SLC7A10: variants seen among roughly 807,000 people sequenced by gnomAD.
SLC7A10 encodes solute carrier family 7 member 10.
Under a neutral mutation model 52.7 loss-of-function variants are expected in SLC7A10, and 30 were observed. That is an observed-to-expected ratio of 0.57 (90% CI 0.43 to 0.77). The LOEUF is 0.77. SLC7A10 is among the 30% of genes least tolerant of loss of function. The probability of loss-of-function intolerance (pLI) is 0.00; values close to 1 mark genes in which losing one functional copy is unlikely to be tolerated. For synonymous variants in SLC7A10, 318 were observed against 314.9 expected, an observed-to-expected ratio of 1.01 and a Z score of -0.10; for missense variants, 581 against 698.5, an observed-to-expected ratio of 0.83 and a Z score of 1.90.
At chr19:33,216,081 C>T in intron 1 of SLC7A10, 108 bp from the exon 2 acceptor site, 1 of 1,042,754 alleles carries the variant, frequency 9.6e-7, no homozygotes, top group Non-Finnish European at 1.4e-6. Flanking sequence ...CGGGGTGCTT[C>T]CCGGAGGAGG....
At chr19:33,219,221 A>G (rs868479853) in intron 1 of SLC7A10, among the ~76,000 whole-genome samples, 4 of 151,940 alleles carry the variant, frequency 2.6e-5, no homozygotes, top group Admixed American at 1.3e-4. Flanking sequence ...CAGAGTCTCC[A>G]CCACCCGCCC....
At chr19:33,218,558 CG>C (rs923651463) in intron 1 of SLC7A10, among the ~76,000 whole-genome samples, 1 of 151,132 alleles carries the variant, frequency 6.6e-6, no homozygotes, top group African/African-American at 2.4e-5. Context: ...ATGGAGCAGC[CG>C]GGGCTGCGGG....
intron 2 of SLC7A10, among the ~76,000 whole-genome samples, chr19:33,213,803 A>G (rs1974611485): frequency 6.6e-6 from 1 of 152,160 alleles, no homozygotes; most frequent in Non-Finnish European, 1.5e-5. Context: ...GTGGAGAGTG[A>G]TGGATGCCCC....
intron 5 of SLC7A10, 141 bp downstream of exon 5, chr19:33,212,151 G>T: frequency 8.0e-7 from 1 of 1,247,736 alleles, no homozygotes; most frequent in Non-Finnish European, 1.1e-6. Flanking sequence ...TTTCTTCCCA[G>T]GGCCATTTTT....
chr19:33,211,685 C>T (rs1039872652), intron 5 of SLC7A10, 148 bp from the exon 6 acceptor site: 127 of 1,462,070 alleles, frequency 8.7e-5, no homozygotes, highest in Non-Finnish European at 1.1e-4. Flanking sequence ...CTGCCCGAGA[C>T]ACAGGGACCC....
intron 1 of SLC7A10, 150 bp downstream of exon 1, chr19:33,225,403 T>TC: frequency 5.1e-6 from 5 of 975,714 alleles, no homozygotes; most frequent in Non-Finnish European, 7.7e-6. Context: ...GCCCCTGACC[T>TC]CCCCGCGGTC....
intron 9 of SLC7A10, 128 bp from the exon 10 acceptor site, chr19:33,209,613 C>T (rs1366871276): frequency 2.1e-6 from 2 of 939,822 alleles, no homozygotes; most frequent in Non-Finnish European, 3.1e-6. Flanking sequence ...ATTGCACCCA[C>T]TACACCCCCT....
At position 33,211,021 on chromosome 19, in the gene SLC7A10, C is replaced by A. The variant is rs1440407804; in HGVS notation, c.1017-123G>T. 5 of 1,037,554 alleles carry A rather than the reference C, an allele frequency of 4.8e-6. No homozygotes were observed. In the East Asian group the frequency reaches 1.3e-4, roughly 27 times the overall value. 64.3% of individuals were successfully genotyped at this position (1,037,554 alleles called of 1,614,324 possible). The stretch of plus-strand genomic sequence containing the variant: ...GGCCCAGCAGCCCCACTGGACAGTT[C>A]TCCCCCTCATCCAGCCTGCCTGCCT... On this transcript the variant is annotated intron_variant, in intron 7 of 10. Coordinates refer to ENST00000253188, the MANE Select transcript of SLC7A10 (RefSeq NM_019849.3).
At chr19:33,209,573 C>T (rs1294280185) in intron 9 of SLC7A10, 88 bp from the exon 10 acceptor site, 8 of 1,434,936 alleles carry the variant, frequency 5.6e-6, no homozygotes, top group South Asian at 1.3e-5. Context: ...AATTTTCCTC[C>T]CTTCCCTGGG....
intron 9 of SLC7A10, 79 bp from the exon 10 acceptor site, chr19:33,209,564 A>G: frequency 5.4e-6 from 8 of 1,485,062 alleles, no homozygotes; most frequent in Non-Finnish European, 7.3e-6. Context: ...GGTCTGGGGA[A>G]TTTTCCTCCC....
At chr19:33,220,252 G>C (rs1017330553) in intron 1 of SLC7A10, 1 of 152,246 alleles carries the variant, frequency 6.6e-6, no homozygotes, top group Admixed American at 6.5e-5. Flanking sequence ...TTTGGAGACA[G>C]GAGATGAGCG....
At position 33,212,370 on chromosome 19, in the gene SLC7A10, G is replaced by T; in HGVS notation, c.710C>A (p.Ala237Asp). The change falls in exon 5 of 11, where the codon GCC (alanine) becomes GAC (aspartate). Residue 237 changes from alanine to aspartate, a missense_variant. Coordinates refer to ENST00000253188, the MANE Select transcript of SLC7A10 (RefSeq NM_019849.3). The part of the protein sequence containing the change: ...MTPSVGHLAL[A>D]FLQGSFAFSG... ...GAAGGCGAAGGAGCCCTGGAGGAAG[G>T]CCAGGGCCAGGTGTCCCACGGAGGG... 6.2e-7 allele frequency: 1 copy of T among 1,613,844 alleles called. No individual in the cohort carries two copies. Among genetic ancestry groups the T allele is most frequent in the Non-Finnish European group, 8.5e-7 (1 of 1,180,044 alleles).
At chr19:33,213,692 C>A (rs548896231) in intron 2 of SLC7A10, among the ~76,000 whole-genome samples, 1 of 152,222 alleles carries the variant, frequency 6.6e-6, no homozygotes, top group Admixed American at 6.5e-5. Context: ...CTGGCTCTCG[C>A]AGAGTACTGT....
At chr19:33,215,724 A>G in intron 2 of SLC7A10, 45 bp downstream of exon 2, 1 of 1,529,346 alleles carries the variant, frequency 6.5e-7, no homozygotes, top group African/African-American at 1.4e-5. Flanking sequence ...TGGCCATCCC[A>G]TTCCCAAGAG....
intron 1 of SLC7A10, among the ~76,000 whole-genome samples, chr19:33,218,149 AG>A (rs763932696): frequency 6.6e-6 from 1 of 152,080 alleles, no homozygotes; most frequent in Non-Finnish European, 1.5e-5. Context: ...CCAGGCCCTG[AG>A]CCACCCACCC....
intron 7 of SLC7A10, 26 bp downstream of exon 7, chr19:33,211,199 T>G: frequency 1.2e-6 from 2 of 1,606,518 alleles, no homozygotes; most frequent in Non-Finnish European, 1.7e-6. Context: ...TCCCTCCCCA[T>G]GCCCACGTCT....
rs575027506 is a variant in SLC7A10 at position 33,210,917 on chromosome 19, A to G, written c.1017-19T>C. Reference sequence around the variant, plus strand: ...GCACAGCCTAGCGTTGGGGACAGATATGGGCACTGGCCACATCCTGGGTCT... The same window carrying G: ...GCACAGCCTAGCGTTGGGGACAGATGTGGGCACTGGCCACATCCTGGGTCT... On this transcript the variant is annotated intron_variant, in intron 7 of 10. Coordinates refer to ENST00000253188, the MANE Select transcript of SLC7A10 (RefSeq NM_019849.3). This position sits in a 1 kb window ranked among gnomAD's most constrained non-coding sequence, Gnocchi z 5.6. 69 of 1,608,696 alleles carry G rather than the reference A, an allele frequency of 4.3e-5. No homozygotes were observed. The South Asian group carries it at 6.2e-4, about 14-fold the overall frequency.
In SLC7A10 at chr19:33,208,900, C is replaced by T; in HGVS notation, c.1563G>A (p.Lys521=). ...SLLPATDKPS[K]PQ ...AGTCTCTACAAAAATCTCATTGTGG[C>T]TTCGAGGGCTTGTCTGTGGCAGGCA... The change falls in exon 11 of 11, where the codon AAG becomes AAA. Residue 521 remains lysine (K), a synonymous_variant. Coordinates refer to ENST00000253188, the MANE Select transcript of SLC7A10 (RefSeq NM_019849.3). This position sits in a 1 kb window ranked among gnomAD's most constrained non-coding sequence, Gnocchi z 4.7. 3 of 1,519,486 alleles carry T rather than the reference C, an allele frequency of 2.0e-6. No individual in the cohort carries two copies. Among genetic ancestry groups the T allele is most frequent in the South Asian group, 1.1e-5 (1 of 89,646 alleles). The allele number at this position is 1,519,486 out of a possible 1,614,324, so 94.1% of individuals were successfully genotyped here. A position where few individuals can be genotyped will look rare whatever the true frequency, so the allele number is the denominator to read the frequency against.
chr19:33,209,275 C>T (rs769327159), intron 10 of SLC7A10, 33 bp downstream of exon 10: 1 of 1,613,154 alleles, frequency 6.2e-7, no homozygotes, highest in African/African-American at 1.3e-5. Context: ...CCCCGGCCCC[C>T]TGTGCTGGGT....
Sources: allele counts gnomAD v4.1 joint callset (sites outside exome capture counted in the v4.1 genomes callset), GRCh38; gene constraint gnomAD v4.1.1; non-coding constraint Gnocchi (gnomAD v3.1); transcripts MANE v1.5; gene names NCBI Gene and HGNC (gene_info 2026-07-23, HGNC 2026-07-21).